CHODL: variants seen among roughly 807,000 people sequenced by gnomAD.
The protein encoded by CHODL is transmembrane protein MT75.
CHODL carries 29 observed loss-of-function variants against 34.5 expected under a neutral mutation model. The observed-to-expected ratio is 0.84, with a 90% CI of 0.63 to 1.15. The LOEUF (loss-of-function observed/expected upper bound fraction) is 1.15. CHODL is among the 50% of genes most tolerant of loss of function. CHODL has a pLI of 0.00. For missense variants in CHODL, 332 were observed against 332.5 expected (o/e 1.00, Z 0.01); for synonymous variants, 125 against 116.1 (o/e 1.08, Z -0.49).
At chr21:18,012,801 A>G (rs1250920996) in intron 1 of CHODL, among the ~76,000 whole-genome samples, 2 of 152,200 alleles carry the variant, frequency 1.3e-5, no homozygotes, top group Non-Finnish European at 2.9e-5. Flanking sequence ...CCATGCTGAA[A>G]TATATGGTGA....
intron 2 of CHODL, among the ~76,000 whole-genome samples, chr21:18,185,116 T>C (rs966218435): frequency 6.6e-6 from 1 of 152,178 alleles, no homozygotes; most frequent in Non-Finnish European, 1.5e-5. Flanking sequence ...GGTGGTTTGC[T>C]GCACCCATCA....
intron 2 of CHODL, among the ~76,000 whole-genome samples, chr21:18,202,139 C>T (rs2073662009): frequency 6.6e-6 from 1 of 152,060 alleles, no homozygotes; most frequent in Non-Finnish European, 1.5e-5. Flanking sequence ...ACAAGGTTAC[C>T]ATGTAAGCTT....
chr21:18,196,207 A>G (rs1450277710), intron 2 of CHODL, among the ~76,000 whole-genome samples: 1 of 152,206 alleles, frequency 6.6e-6, no homozygotes, highest in African/African-American at 2.4e-5. Context: ...GCATATCAAC[A>G]CAGAGATCCT....
At chr21:18,233,456 T>G (rs1430903800) in intron 2 of CHODL, among the ~76,000 whole-genome samples, 2 of 152,058 alleles carry the variant, frequency 1.3e-5, no homozygotes, top group Non-Finnish European at 2.9e-5. Flanking sequence ...AAGACATTCA[T>G]GAGGATGAAA....
intron 2 of CHODL, among the ~76,000 whole-genome samples, chr21:18,136,597 C>T (rs2072732223): frequency 6.6e-6 from 1 of 151,646 alleles, no homozygotes; most frequent in Non-Finnish European, 1.5e-5. Context: ...TACTTAGTAG[C>T]TTATCCTGTG....
chr21:18,109,074 A>G (rs2065314592), intron 2 of CHODL, among the ~76,000 whole-genome samples: 1 of 152,184 alleles, frequency 6.6e-6, no homozygotes, highest in African/African-American at 2.4e-5. Flanking sequence ...TATTTTCAGC[A>G]TACAGCTTTT....
At chr21:18,018,117 G>A (rs2064092898) in intron 1 of CHODL, among the ~76,000 whole-genome samples, 1 of 152,164 alleles carries the variant, frequency 6.6e-6, no homozygotes, top group Non-Finnish European at 1.5e-5. Context: ...TAACTAACTT[G>A]TTTTTTATTT....
chr21:18,196,450 A>G (rs140463844), intron 2 of CHODL, among the ~76,000 whole-genome samples: 4 of 152,302 alleles, frequency 2.6e-5, no homozygotes, highest in Non-Finnish European at 4.4e-5. Context: ...AGTTTCCTAC[A>G]GCATTGCTAT....
intron 5 of CHODL, among the ~76,000 whole-genome samples, chr21:18,263,901 C>CT (rs34968795): frequency 0.12 from 17,303 of 141,292 alleles, 1,001 homozygotes; most frequent in Middle Eastern, 0.17. Context: ...CATTAATAAC[C>CT]TTTTTTTTTT....
At chr21:18,152,471 G>A (rs1384987810) in intron 2 of CHODL, among the ~76,000 whole-genome samples, 1 of 152,200 alleles carries the variant, frequency 6.6e-6, no homozygotes, top group East Asian at 1.9e-4. Flanking sequence ...CTCATCTGAA[G>A]CTCAGGGTCC....
At chr21:18,237,809 T>C (rs891986820) in intron 2 of CHODL, among the ~76,000 whole-genome samples, 1 of 152,116 alleles carries the variant, frequency 6.6e-6, no homozygotes, top group African/African-American at 2.4e-5. Flanking sequence ...ACATAAAAAT[T>C]TCCCATCTAC....
intron 2 of CHODL, among the ~76,000 whole-genome samples, chr21:18,171,676 G>C (rs1018045513): frequency 6.6e-6 from 1 of 151,208 alleles, no homozygotes; most frequent in African/African-American, 2.4e-5. Context: ...TGGAAAATTG[G>C]ACATATTAGA....
chr21:18,117,971 A>G (rs1190773853), intron 2 of CHODL, among the ~76,000 whole-genome samples: 1 of 152,214 alleles, frequency 6.6e-6, no homozygotes, highest in Non-Finnish European at 1.5e-5. Context: ...ACCTGAAATC[A>G]TAAACCATTT....
chr21:18,027,836 G>C (rs894852427), intron 1 of CHODL: 2 of 152,530 alleles, frequency 1.3e-5, no homozygotes, highest in Non-Finnish European at 2.9e-5. Flanking sequence ...CAATACAAGA[G>C]AGCTTGCTTC....
chr21:18,165,756 A>G (rs1011908202), intron 2 of CHODL, among the ~76,000 whole-genome samples: 1 of 152,188 alleles, frequency 6.6e-6, no homozygotes, highest in Non-Finnish European at 1.5e-5. Context: ...TGGCAGGGTA[A>G]ATAATCTCCA....
chr21:18,197,823 A>T (rs1182775627), intron 2 of CHODL, among the ~76,000 whole-genome samples: 1 of 152,210 alleles, frequency 6.6e-6, no homozygotes. Flanking sequence ...AAGGACCATC[A>T]AATGGGAGGA....
upstream of CHODL, among the ~76,000 whole-genome samples, chr21:18,240,905 A>C (rs1316445901): frequency 6.6e-6 from 1 of 152,310 alleles, no homozygotes; most frequent in South Asian, 2.1e-4. Flanking sequence ...TTTTAACTTC[A>C]AGTTATAGAA....
At chr21:18,149,667 G>T (rs1213622443) in intron 2 of CHODL, among the ~76,000 whole-genome samples, 1 of 152,174 alleles carries the variant, frequency 6.6e-6, no homozygotes, top group Non-Finnish European at 1.5e-5. Flanking sequence ...AACATTTAAA[G>T]TTCCTTGAGG....
At chr21:18,158,339 A>G (rs2073057267) in intron 2 of CHODL, among the ~76,000 whole-genome samples, 1 of 152,160 alleles carries the variant, frequency 6.6e-6, no homozygotes, top group Middle Eastern at 3.2e-3. Flanking sequence ...CTGAAACTTT[A>G]AAAGTGGTAA....
Sources: gnomAD v4.1 joint callset for allele counts (sites outside exome capture counted in the v4.1 genomes callset) on GRCh38, gnomAD v4.1.1 for gene constraint, MANE v1.5 for transcripts, NCBI Gene and HGNC (gene_info 2026-07-23, HGNC 2026-07-21) for gene names.